The following TCERG1L variants were observed in gnomAD, a reference collection of about 807,000 sequenced individuals.
TCERG1L encodes the protein transcription elongation regulator 1-like protein.
Under a neutral mutation model 56.3 loss-of-function variants are expected in TCERG1L, and 37 were observed. That is an observed-to-expected ratio of 0.66 (90% CI 0.51 to 0.87). TCERG1L has a LOEUF of 0.87. TCERG1L is among the 40% of genes least tolerant of loss of function. TCERG1L has a pLI of 0.00. For synonymous variants in TCERG1L, 324 were observed against 326.3 expected (o/e 0.99, Z 0.08); for missense variants, 799 against 774.2 (o/e 1.03, Z -0.38).
chr10:131,269,703 T>A (rs1237412716), intron 3 of TCERG1L, among the ~76,000 whole-genome samples: 2 of 152,142 alleles, frequency 1.3e-5, no homozygotes, highest in African/African-American at 4.8e-5. Flanking sequence ...ACAACAGACG[T>A]AACAATACTT....
At chr10:131,254,434 G>A (rs1000598992) in intron 4 of TCERG1L, among the ~76,000 whole-genome samples, 8 of 151,858 alleles carry the variant, frequency 5.3e-5, no homozygotes, top group African/African-American at 1.5e-4. Context: ...TCTTCCAGCC[G>A]CAGCCTCCGG....
intron 4 of TCERG1L, among the ~76,000 whole-genome samples, chr10:131,249,579 CTTTTTTGTTGTAA>C (rs1358063233): frequency 1.3e-5 from 2 of 152,220 alleles, no homozygotes; most frequent in African/African-American, 4.8e-5. Context: ...ATGTTTCTTT[CTTTTTTGTTGTAA>C]TTATCATAAA....
intron 8 of TCERG1L, among the ~76,000 whole-genome samples, chr10:131,126,783 C>T (rs532378165): frequency 1.3e-5 from 2 of 152,342 alleles, no homozygotes; most frequent in Admixed American, 1.3e-4. Flanking sequence ...AGCACAGACA[C>T]CAGGCCACGT....
intron 10 of TCERG1L, among the ~76,000 whole-genome samples, chr10:131,101,519 C>T (rs749189922): frequency 2.6e-5 from 4 of 152,162 alleles, no homozygotes; most frequent in Non-Finnish European, 4.4e-5. Flanking sequence ...GCACACGTGG[C>T]ACGTGCCACG....
chr10:131,157,568 A>C (rs1051709951), intron 6 of TCERG1L, among the ~76,000 whole-genome samples: 1 of 152,108 alleles, frequency 6.6e-6, no homozygotes, highest in African/African-American at 2.4e-5. Context: ...CAAAATTACT[A>C]TTTGTGTCTA....
At chr10:131,280,549 A>G (rs544434039) in intron 3 of TCERG1L, among the ~76,000 whole-genome samples, 1 of 151,946 alleles carries the variant, frequency 6.6e-6, no homozygotes, top group African/African-American at 2.4e-5. Flanking sequence ...CAGTGAGCTG[A>G]GTGGTGATTT....
At chr10:131,208,316 T>A (rs530757074) in intron 4 of TCERG1L, among the ~76,000 whole-genome samples, 1 of 152,300 alleles carries the variant, frequency 6.6e-6, no homozygotes, top group African/African-American at 2.4e-5. Context: ...TGTCACCCTC[T>A]GGCCACAGAG....
intron 4 of TCERG1L, among the ~76,000 whole-genome samples, chr10:131,241,823 G>A (rs1845977184): frequency 6.6e-6 from 1 of 151,884 alleles, no homozygotes; most frequent in South Asian, 2.1e-4. Flanking sequence ...ATTTTAAAAT[G>A]TCTAGATGTC....
At chr10:131,309,850 A>AAAG (rs1846863190) in intron 1 of TCERG1L, among the ~76,000 whole-genome samples, 1 of 150,132 alleles carries the variant, frequency 6.7e-6, no homozygotes, top group African/African-American at 2.4e-5. Context: ...AAAAAAAAAA[A>AAAG]AAAAAAAAAC....
intron 4 of TCERG1L, among the ~76,000 whole-genome samples, chr10:131,253,682 G>A (rs1846136530): frequency 6.6e-6 from 1 of 152,190 alleles, no homozygotes; most frequent in African/African-American, 2.4e-5. Context: ...AGCCATCTCT[G>A]CACCATCTCA....
chr10:131,286,545 T>A (rs1014234683), intron 3 of TCERG1L, among the ~76,000 whole-genome samples: 1 of 152,236 alleles, frequency 6.6e-6, no homozygotes, highest in African/African-American at 2.4e-5. Flanking sequence ...ATGTTTCATA[T>A]CTAACAAATA....
intron 4 of TCERG1L, among the ~76,000 whole-genome samples, chr10:131,196,237 C>T (rs796192245): frequency 2.0e-5 from 3 of 152,222 alleles, no homozygotes; most frequent in South Asian, 4.1e-4. Flanking sequence ...TTTACTTTAT[C>T]GGCATGGCAC....
In TCERG1L at chr10:131,119,393, T is replaced by C. The variant is rs147251158; in HGVS notation, c.1260-2459A>G. Among the ~76,000 whole-genome samples, 128 of 152,364 alleles carry C rather than the reference T, an allele frequency of 8.4e-4. 1 individual carries two copies. The Middle Eastern group carries it at 0.017, about 20-fold the overall frequency. ...GAATTTACATTCTCTGCTTCTTATGTGATTACATGGAATTTTGAGAAAAGA... is the reference window on the plus strand; with the variant it reads ...GAATTTACATTCTCTGCTTCTTATGCGATTACATGGAATTTTGAGAAAAGA... On this transcript the variant is annotated intron_variant, in intron 8 of 11. Transcript: ENST00000368642.
chr10:131,109,484 C>T (rs1488454725), intron 9 of TCERG1L, among the ~76,000 whole-genome samples: 1 of 152,206 alleles, frequency 6.6e-6, no homozygotes, highest in East Asian at 1.9e-4. Flanking sequence ...GTGTCTGTGT[C>T]TGTGTCTGTG....
At chr10:131,182,278 G>A (rs1487393309) in intron 4 of TCERG1L, among the ~76,000 whole-genome samples, 2 of 152,224 alleles carry the variant, frequency 1.3e-5, no homozygotes, top group African/African-American at 4.8e-5. Context: ...TTGTCACTGG[G>A]TGAAAGGGAG....
chr10:131,196,672 G>A (rs192743276), intron 4 of TCERG1L, among the ~76,000 whole-genome samples: 18 of 152,344 alleles, frequency 1.2e-4, no homozygotes, highest in Non-Finnish European at 2.5e-4. Context: ...TGGGGCTGCG[G>A]CCCAGAGTCT....
At chr10:131,237,264 T>G (rs1845922552) in intron 4 of TCERG1L, among the ~76,000 whole-genome samples, 1 of 152,056 alleles carries the variant, frequency 6.6e-6, no homozygotes, top group Non-Finnish European at 1.5e-5. Flanking sequence ...AGACCCTGAG[T>G]GCCAGCTCCC....
At chr10:131,175,804 T>C (rs1444144493) in intron 4 of TCERG1L, among the ~76,000 whole-genome samples, 1 of 151,912 alleles carries the variant, frequency 6.6e-6, no homozygotes, top group Non-Finnish European at 1.5e-5. Flanking sequence ...GATGGCTAGA[T>C]GGAGGAGGAG....
chr10:131,178,329 A>C (rs1447139153), intron 4 of TCERG1L, among the ~76,000 whole-genome samples: 1 of 152,166 alleles, frequency 6.6e-6, no homozygotes, highest in Non-Finnish European at 1.5e-5. Context: ...TACTTTTGAA[A>C]CAAGACGAGG....
Sources: allele counts gnomAD v4.1 joint callset (sites outside exome capture counted in the v4.1 genomes callset), GRCh38; gene constraint gnomAD v4.1.1; transcripts MANE v1.5; gene names NCBI Gene and HGNC (gene_info 2026-07-23, HGNC 2026-07-21).